Variants in PPARG observed in about 807,000 individuals in gnomAD.
PPARG encodes peroxisome proliferator-activated receptor gamma.
Under a neutral mutation model 39.2 loss-of-function variants are expected in PPARG, and 17 were observed. The observed-to-expected ratio is 0.43, with a 90% CI of 0.30 to 0.65. PPARG has a LOEUF of 0.65. Among genes scored for constraint, PPARG ranks in the 30% least tolerant of loss-of-function variants. The pLI, the probability that PPARG is intolerant of heterozygous loss-of-function variation, is 0.13. For missense variants in PPARG, 406 were observed against 585.9 expected (o/e 0.69, Z 3.17); for synonymous variants, 223 against 215.7 (o/e 1.03, Z -0.30).
At chr3:12,326,497 T>C (rs2047698530) in intron 2 of PPARG, among the ~76,000 whole-genome samples, 1 of 152,240 alleles carries the variant, frequency 6.6e-6, no homozygotes, top group Non-Finnish European at 1.5e-5. Flanking sequence ...TGTTTTTATA[T>C]ATTTTATGCT....
chr3:12,310,791 TAAAAAAAAAAAAAAAAAA>T (rs761238501), intron 1 of PPARG, among the ~76,000 whole-genome samples: 1 of 50,358 alleles, frequency 2.0e-5, no homozygotes, highest in South Asian at 1.2e-3. Flanking sequence ...GCCTTAAATG[TAAAAAAAAAAAAAAAAAA>T]AAAAAAAAAA....
chr3:12,375,025 A>G (rs1482974903), intron 2 of PPARG, among the ~76,000 whole-genome samples: 1 of 152,232 alleles, frequency 6.6e-6, no homozygotes, highest in African/African-American at 2.4e-5. Context: ...CTATTTTCAC[A>G]TTAAAAATTT....
chr3:12,355,383 G>A (rs1223610713), intron 2 of PPARG, among the ~76,000 whole-genome samples: 1 of 152,056 alleles, frequency 6.6e-6, no homozygotes, highest in African/African-American at 2.4e-5. Context: ...GAATTCTCCC[G>A]CCTCGACCTC....
chr3:12,387,799 A>G (rs1341000296), intron 4 of PPARG, among the ~76,000 whole-genome samples: 2 of 152,162 alleles, frequency 1.3e-5, no homozygotes, highest in African/African-American at 4.8e-5. Flanking sequence ...GCCCATGCCT[A>G]TATCCTGAAT....
At chr3:12,345,491 C>T (rs2048300842) in intron 2 of PPARG, among the ~76,000 whole-genome samples, 1 of 152,092 alleles carries the variant, frequency 6.6e-6, no homozygotes, top group Non-Finnish European at 1.5e-5. Flanking sequence ...CTGATTTGAA[C>T]GTCTTACTGC....
chr3:12,287,796 C>T (rs1281959841), upstream of PPARG: 20 of 14,806 alleles, frequency 1.4e-3, no homozygotes, highest in African/African-American at 8.8e-3. Flanking sequence ...GCCGCCGCCC[C>T]CGCCCCCGCC....
intron 2 of PPARG, chr3:12,372,076 A>C (rs2049236243): frequency 1.4e-6 from 1 of 720,768 alleles, no homozygotes; most frequent in Non-Finnish European, 2.6e-6. Context: ...GGTCATTTCC[A>C]ACAAAACTAC....
At chr3:12,324,390 G>C (rs572009361) in intron 2 of PPARG, among the ~76,000 whole-genome samples, 2 of 152,106 alleles carry the variant, frequency 1.3e-5, no homozygotes, top group Admixed American at 6.5e-5. Flanking sequence ...CTGCTGTGCC[G>C]GGGGGATAAG....
chr3:12,387,038 A>C (rs1030500819), intron 4 of PPARG, among the ~76,000 whole-genome samples: 3 of 152,180 alleles, frequency 2.0e-5, no homozygotes, highest in Non-Finnish European at 2.9e-5. Flanking sequence ...GCCCCTGCAA[A>C]GGATATGGAC....
intron 1 of PPARG, among the ~76,000 whole-genome samples, chr3:12,294,375 T>C (rs1412501600): frequency 6.6e-6 from 1 of 152,246 alleles, no homozygotes; most frequent in African/African-American, 2.4e-5. Flanking sequence ...GCTAGTATTA[T>C]CTTAATGTAA....
In PPARG at chr3:12,380,684, G is replaced by A. The variant is rs1050730975; in HGVS notation, c.221-638G>A. On this transcript the variant is annotated intron_variant, in intron 3 of 7. Coordinates refer to ENST00000651735, the MANE Select transcript of PPARG (RefSeq NM_138711.6). ...TATGCTTAGTTATATTTATCTATGCGGTTTTCAGTTAGAGCCTAATATGGA... is the reference window on the plus strand; with the variant it reads ...TATGCTTAGTTATATTTATCTATGCAGTTTTCAGTTAGAGCCTAATATGGA... 1.1e-4 allele frequency among the ~76,000 whole-genome samples: 16 copies of A among 152,084 alleles called. 1 individual carries two copies. The highest frequency in any genetic ancestry group is 7.9e-4 in the Admixed American group (12 of 15,254).
intron 5 of PPARG, among the ~76,000 whole-genome samples, chr3:12,394,018 A>G (rs747259981): frequency 6.6e-6 from 1 of 152,158 alleles, no homozygotes; most frequent in Non-Finnish European, 1.5e-5. Flanking sequence ...GCTGTATACA[A>G]CTGTAGTCAT....
intron 2 of PPARG, among the ~76,000 whole-genome samples, chr3:12,334,340 C>T (rs1401167451): frequency 2.0e-5 from 3 of 151,676 alleles, no homozygotes; most frequent in Non-Finnish European, 2.9e-5. Flanking sequence ...AAACAATTCT[C>T]GTGCCTCAGT....
At chr3:12,409,587 T>C (rs1377412066) in intron 6 of PPARG, among the ~76,000 whole-genome samples, 1 of 152,186 alleles carries the variant, frequency 6.6e-6, no homozygotes, top group Non-Finnish European at 1.5e-5. Flanking sequence ...TGCAGAAATA[T>C]GGACTCTTGA....
chr3:12,413,090 A>G (rs913354953), intron 6 of PPARG, among the ~76,000 whole-genome samples: 4 of 152,208 alleles, frequency 2.6e-5, no homozygotes, highest in Non-Finnish European at 5.9e-5. Context: ...TACATTTTGT[A>G]TGGAACATTG....
intron 2 of PPARG, among the ~76,000 whole-genome samples, chr3:12,312,797 A>T (rs551523924): frequency 8.5e-5 from 13 of 152,226 alleles, no homozygotes; most frequent in Non-Finnish European, 1.5e-4. Flanking sequence ...TTAAATTGAG[A>T]TAAAAATTAA....
At chr3:12,290,244 A>G (rs1392901799) in intron 1 of PPARG, among the ~76,000 whole-genome samples, 1 of 152,118 alleles carries the variant, frequency 6.6e-6, no homozygotes, top group East Asian at 1.9e-4. Context: ...TTCTTAAACA[A>G]TAACTGCTGT....
At chr3:12,299,061 G>C (rs759187889) in intron 1 of PPARG, among the ~76,000 whole-genome samples, 4 of 151,986 alleles carry the variant, frequency 2.6e-5, no homozygotes, top group Non-Finnish European at 5.9e-5. Context: ...TCTTGAACTC[G>C]TAGGCCCAAG....
chr3:12,377,608 A>C (rs2049464873), intron 2 of PPARG, among the ~76,000 whole-genome samples: 1 of 152,204 alleles, frequency 6.6e-6, no homozygotes, highest in South Asian at 2.1e-4. Context: ...TTAATTTGCC[A>C]ACTTTTCTAT....
Sources: gnomAD v4.1 joint callset for allele counts (sites outside exome capture counted in the v4.1 genomes callset) on GRCh38, gnomAD v4.1.1 for gene constraint, MANE v1.5 for transcripts, NCBI Gene and HGNC (gene_info 2026-07-23, HGNC 2026-07-21) for gene names.